The following DOK7 variants were observed in gnomAD, a reference collection of about 807,000 sequenced individuals.
The protein encoded by DOK7 is protein Dok-7.
A neutral mutation model predicts 30.7 loss-of-function variants in DOK7; 32 were observed. The ratio of observed to expected loss-of-function variants is 1.04; its 90% CI spans 0.79 to 1.40. The LOEUF (loss-of-function observed/expected upper bound fraction) is 1.40, where lower values mean the gene tolerates loss of function less well. DOK7 is among the 40% of genes most tolerant of loss of function. The pLI, the probability that DOK7 is intolerant of heterozygous loss-of-function variation, is 0.00. For missense variants in DOK7, 1,007 were observed against 699.2 expected (o/e 1.44, Z -4.97); for synonymous variants, 447 against 324.1 (o/e 1.38, Z -4.07).
intron 5 of DOK7, 26 bp from the exon 6 acceptor site, chr4:3,489,651 T>G: frequency 6.4e-7 from 1 of 1,560,810 alleles, no homozygotes; most frequent in Non-Finnish European, 8.7e-7. Context: ...GGCCACCTCC[T>G]CCACCGAGTC....
At chr4:3,485,991 C>G (rs567080001) in intron 5 of DOK7, among the ~76,000 whole-genome samples, 168 of 152,106 alleles carry the variant, frequency 1.1e-3, no homozygotes, top group African/African-American at 3.7e-3. Context: ...CCCACCACCA[C>G]CATCTTCCAC....
At position 3,476,345 on chromosome 4, in the gene DOK7, A is replaced by G; in HGVS notation, c.335A>G (p.His112Arg). 2 of 1,524,494 alleles carry G rather than the reference A, an allele frequency of 1.3e-6. No homozygotes were observed. The highest frequency in any genetic ancestry group is 1.1e-5 in the South Asian group (1 of 89,758). 94.4% of individuals were successfully genotyped at this position (1,524,494 alleles called of 1,614,324 possible). A position where few individuals can be genotyped will look rare whatever the true frequency, so the allele number is the denominator to read the frequency against. Reference sequence around the variant, plus strand: ...CTCTTGCCCCGCCTGCCCGCAGTGCATAGGTTCCATGTGACAGTGGCTCCA... The same window carrying G: ...CTCTTGCCCCGCCTGCCCGCAGTGCGTAGGTTCCATGTGACAGTGGCTCCA... Reference protein sequence around the residue: ...ARIRYALGEVHRFHVTVAPGT... With the variant: ...ARIRYALGEVRRFHVTVAPGT... The change falls in exon 4 of 7, where the codon CAT (histidine) becomes CGT (arginine). Residue 112 changes from histidine (H) to arginine (R), a missense_variant. By Grantham distance (29) the His-to-Arg change is conservative. Transcript: ENST00000340083.
At chr4:3,479,955 A>G (rs58728086) in intron 4 of DOK7, among the ~76,000 whole-genome samples, 1,636 of 152,322 alleles carry the variant, frequency 0.011, 28 homozygotes, top group African/African-American at 0.037. Context: ...TCAGGTCTGC[A>G]GGCTCCAGCC....
At position 3,492,843 on chromosome 4, in the gene DOK7, A is replaced by G. The variant is rs754105518; in HGVS notation, c.857A>G (p.Glu286Gly). The G allele has an allele frequency of 4.0e-5, 64 of 1,612,014 alleles. No individual in the cohort carries two copies. Among genetic ancestry groups the G allele is most frequent in the Non-Finnish European group, 5.3e-5 (63 of 1,179,780 alleles). Residue 286 changes from glutamate to glycine, a missense_variant, in exon 7 of 7, where the codon GAG becomes GGG. By Grantham distance (98) the Glu-to-Gly change is moderately conservative. Coordinates refer to ENST00000340083, the MANE Select transcript of DOK7 (RefSeq NM_173660.5). Reference sequence around the variant, plus strand: ...AGCAGCCGGCTCACCGCATGGCCAGAGCAATCCTCGTCGTCAGCCAGCACG... The same window carrying G: ...AGCAGCCGGCTCACCGCATGGCCAGGGCAATCCTCGTCGTCAGCCAGCACG... ...SASSRLTAWP[E>G]QSSSSASTSQ... is the part of the protein sequence containing the mutation.
rs187018851 is a variant in DOK7 at position 3,500,572 on chromosome 4, C to T, written c.1262-120C>T. The T allele has an allele frequency of 1.8e-4, 268 of 1,503,016 alleles. 1 individual carries two copies. In the African/African-American group the frequency reaches 3.4e-3, roughly 19 times the overall value. 93.1% of individuals were successfully genotyped at this position (1,503,016 alleles called of 1,614,324 possible). A position where few individuals can be genotyped will look rare whatever the true frequency, so the allele number is the denominator to read the frequency against. Reference sequence around the variant, plus strand: ...TCCATCCCTGGCCAGGCCACATCCCCTGAGGGTGTCCCCACTCAGATGCTT... The same window carrying T: ...TCCATCCCTGGCCAGGCCACATCCCTTGAGGGTGTCCCCACTCAGATGCTT... On this transcript the variant is annotated intron_variant, in intron 7 of 7. Coordinates refer to the DOK7 transcript ENST00000643608.
intron 5 of DOK7, among the ~76,000 whole-genome samples, chr4:3,487,731 A>G (rs1374791242): frequency 3.3e-5 from 5 of 152,106 alleles, no homozygotes; most frequent in African/African-American, 1.2e-4. Flanking sequence ...CCCACCAGTT[A>G]CTGGACGGGA....
At chr4:3,494,785 G>C (rs558841218), downstream of DOK7, among the ~76,000 whole-genome samples, 3 of 152,314 alleles carry the variant, frequency 2.0e-5, no homozygotes, top group Admixed American at 6.5e-5. Context: ...GGGCTCCTCA[G>C]GTCCCGGTGA....
At chr4:3,501,038 T>C in exon 8 of DOK7, 1 of 734,546 alleles carries the variant, frequency 1.4e-6, no homozygotes, top group Non-Finnish European at 2.1e-6. Flanking sequence ...GGGCTGACCC[T>C]TCGGCCTGAA....
chr4:3,469,991 G>A (rs534532571), intron 2 of DOK7, among the ~76,000 whole-genome samples: 31 of 152,308 alleles, frequency 2.0e-4, no homozygotes, highest in African/African-American at 6.7e-4. Flanking sequence ...TCCTGTGGCC[G>A]ACAGAAGAAA....
At chr4:3,471,395 G>C (rs550100608) in intron 2 of DOK7, among the ~76,000 whole-genome samples, 3 of 152,370 alleles carry the variant, frequency 2.0e-5, no homozygotes, top group African/African-American at 7.2e-5. Flanking sequence ...GGGGAAGGGA[G>C]TGAAGGGGTG....
At chr4:3,485,753 T>C in intron 5 of DOK7, 95 bp downstream of exon 5, 1 of 1,352,350 alleles carries the variant, frequency 7.4e-7, no homozygotes, top group Admixed American at 3.5e-5. Context: ...CAGCCCCAGT[T>C]AGATGGCCAG....
chr4:3,488,764 G>T (rs1338404352), intron 5 of DOK7, among the ~76,000 whole-genome samples: 1 of 151,698 alleles, frequency 6.6e-6, no homozygotes, highest in Non-Finnish European at 1.5e-5. Context: ...GCAGGACGGG[G>T]TCGGTTTGCT....
At chr4:3,498,310 C>A (rs951912032), downstream of DOK7, among the ~76,000 whole-genome samples, 1 of 152,188 alleles carries the variant, frequency 6.6e-6, no homozygotes, top group East Asian at 1.9e-4. Context: ...GATACAGATA[C>A]GGACACACTG....
chr4:3,496,383 G>A (rs2109434674), downstream of DOK7, among the ~76,000 whole-genome samples: 1 of 152,392 alleles, frequency 6.6e-6, no homozygotes, highest in South Asian at 2.1e-4. Context: ...ACACCCTCAA[G>A]GACGGGAAAG....
Position 3,492,927 on chromosome 4 carries a change from C to T in DOK7, c.941C>T (p.Ala314Val), listed in dbSNP as rs764498019. The change falls in exon 7 of 7, where the codon GCC becomes GTC. Residue 314 changes from alanine to valine, a missense_variant. Physicochemically the swap from Ala to Val is moderately conservative, Grantham distance 64 (BLOSUM62 0). Transcript: ENST00000340083. ...AQAAGEAMVGASRPPPKPLRP... is the reference protein window; with the variant it reads ...AQAAGEAMVGVSRPPPKPLRP... ...GCCGCCGGGGAAGCCATGGTGGGTG[C>T]CTCAAGGCCACCCCCCAAGCCGCTG... is the stretch of plus-strand genomic sequence containing the variant. 1.9e-6 allele frequency: 3 copies of T among 1,561,590 alleles called. No individual in the cohort carries two copies. Among genetic ancestry groups the T allele is most frequent in the Non-Finnish European group, 2.6e-6 (3 of 1,156,686 alleles).
At chr4:3,489,437 G>C (rs934547822) in intron 5 of DOK7, among the ~76,000 whole-genome samples, 1 of 152,192 alleles carries the variant, frequency 6.6e-6, no homozygotes, top group Non-Finnish European at 1.5e-5. Flanking sequence ...GTGGGCAGGT[G>C]GCAGGGCCAT....
chr4:3,496,864 T>G (rs1182887075), downstream of DOK7: 1 of 1,523,922 alleles, frequency 6.6e-7, no homozygotes, highest in Non-Finnish European at 8.8e-7. Context: ...CACATTCAGG[T>G]AGGCACCTGG....
downstream of DOK7, chr4:3,496,671 G>A (rs1281748678): frequency 3.9e-6 from 3 of 775,762 alleles, no homozygotes; most frequent in African/African-American, 1.8e-5. Flanking sequence ...GAAGGCATCA[G>A]GTATGGCGGG....
chr4:3,478,915 G>A (rs62272671), intron 4 of DOK7, among the ~76,000 whole-genome samples: 4,769 of 152,318 alleles, frequency 0.031, 99 homozygotes, highest in Non-Finnish European at 0.045. Context: ...TGGAGGGACG[G>A]GGAGTCTGCG....
Sources: allele counts gnomAD v4.1 joint callset (sites outside exome capture counted in the v4.1 genomes callset), GRCh38; gene constraint gnomAD v4.1.1; transcripts MANE v1.5; gene names NCBI Gene and HGNC (gene_info 2026-07-23, HGNC 2026-07-21).